The following ACOXL variants were observed in gnomAD, a reference collection of about 807,000 sequenced individuals.
The protein encoded by ACOXL is acyl-coenzyme A oxidase-like protein.
Under a neutral mutation model 71.9 loss-of-function variants are expected in ACOXL, and 70 were observed. The ratio of observed to expected loss-of-function variants is 0.97; its 90% CI spans 0.80 to 1.19. The LOEUF (loss-of-function observed/expected upper bound fraction) is 1.19. Among genes scored for constraint, ACOXL ranks in the 50% most tolerant of loss-of-function variants. The pLI, the probability that ACOXL is intolerant of heterozygous loss-of-function variation, is 0.00. For synonymous variants in ACOXL, 253 were observed against 281.6 expected (o/e 0.90, Z 1.02); for missense variants, 703 against 736.3 (o/e 0.95, Z 0.52).
rs906251304 is a variant in ACOXL, at chr2:110,841,234, T to G, written c.754-137T>G. 2.7e-5 allele frequency: 17 copies of G among 623,088 alleles called. No individual in the cohort carries two copies. In the African/African-American group the frequency reaches 3.1e-4, roughly 11 times the overall value. 38.6% of individuals were successfully genotyped at this position (623,088 alleles called of 1,614,324 possible). On this transcript the variant is annotated intron_variant, in intron 9 of 17. Transcript: ENST00000439055. ...ACTAAATATCTGTCATTAAAATGTG[T>G]TATTTTTGAAGCATTAGCTGTAGGG...
chr2:110,865,157 A>G (rs1694404535), intron 10 of ACOXL, among the ~76,000 whole-genome samples: 1 of 152,248 alleles, frequency 6.6e-6, no homozygotes, highest in Non-Finnish European at 1.5e-5. Context: ...AAATGTAGGT[A>G]TCAATATCGA....
intron 11 of ACOXL, among the ~76,000 whole-genome samples, chr2:110,913,277 A>G (rs968376227): frequency 6.6e-6 from 1 of 152,260 alleles, no homozygotes; most frequent in East Asian, 1.9e-4. Context: ...AAATGAAAAC[A>G]TATATGCACA....
At chr2:110,932,299 G>A (rs1232440036) in intron 11 of ACOXL, among the ~76,000 whole-genome samples, 2 of 152,188 alleles carry the variant, frequency 1.3e-5, no homozygotes, top group South Asian at 4.1e-4. Flanking sequence ...GAGGCATTTT[G>A]TTCTGTAGCT....
chr2:111,062,570 C>G (rs1418484020), intron 16 of ACOXL, among the ~76,000 whole-genome samples: 4 of 151,984 alleles, frequency 2.6e-5, no homozygotes, highest in African/African-American at 9.7e-5. Context: ...GAACATAAAG[C>G]AAACCTCAAA....
At chr2:110,977,635 G>A (rs1052414376) in intron 12 of ACOXL, among the ~76,000 whole-genome samples, 1 of 152,002 alleles carries the variant, frequency 6.6e-6, no homozygotes, top group African/African-American at 2.4e-5. Flanking sequence ...TAATTTTTTC[G>A]AAACCAGATG....
intron 14 of ACOXL, among the ~76,000 whole-genome samples, chr2:111,016,959 G>A (rs1291511976): frequency 2.6e-5 from 4 of 152,198 alleles, no homozygotes; most frequent in African/African-American, 9.7e-5. Context: ...GCAAGATAAT[G>A]GGACAAGACA....
chr2:110,982,362 C>A (rs1379900596), intron 12 of ACOXL, among the ~76,000 whole-genome samples: 2 of 152,066 alleles, frequency 1.3e-5, no homozygotes, highest in Non-Finnish European at 2.9e-5. Flanking sequence ...TCTCTTCTCT[C>A]CCCGCTCCTT....
intron 2 of ACOXL, among the ~76,000 whole-genome samples, chr2:110,779,025 T>C (rs953484731): frequency 1.1e-4 from 17 of 152,170 alleles, no homozygotes; most frequent in Non-Finnish European, 2.5e-4. Context: ...AACTAGGAAT[T>C]GTAGTAAGCA....
intron 14 of ACOXL, among the ~76,000 whole-genome samples, chr2:111,009,513 CA>C (rs35134750): frequency 0.11 from 12,945 of 114,820 alleles, 598 homozygotes; most frequent in East Asian, 0.28. Context: ...GACTCCGTCT[CA>C]AAAAAAAAAA....
chr2:110,776,090 A>G (rs1288376281), intron 2 of ACOXL, among the ~76,000 whole-genome samples: 1 of 152,250 alleles, frequency 6.6e-6, no homozygotes, highest in African/African-American at 2.4e-5. Flanking sequence ...ATTCAGCCTT[A>G]AAAGGGAAGG....
intron 14 of ACOXL, among the ~76,000 whole-genome samples, chr2:111,012,508 A>C (rs1329870373): frequency 6.6e-6 from 1 of 152,224 alleles, no homozygotes; most frequent in Non-Finnish European, 1.5e-5. Context: ...TGATATTTGT[A>C]GGCATTTATT....
intron 14 of ACOXL, among the ~76,000 whole-genome samples, chr2:111,006,501 C>T (rs1198520097): frequency 6.6e-6 from 1 of 152,080 alleles, no homozygotes; most frequent in Non-Finnish European, 1.5e-5. Flanking sequence ...TGGCACTTCC[C>T]TCTTTGTTGT....
At chr2:110,955,933 A>ATTTTT (rs67285328) in intron 12 of ACOXL, among the ~76,000 whole-genome samples, 14 of 101,762 alleles carry the variant, frequency 1.4e-4, no homozygotes, top group Admixed American at 2.3e-4. Context: ...CTTGCCACAG[A>ATTTTT]TTTTTTTTTT....
intron 17 of ACOXL, chr2:111,099,978 T>C (rs2069032893): frequency 6.6e-6 from 1 of 152,238 alleles, no homozygotes; most frequent in Non-Finnish European, 1.5e-5. Context: ...TCTTACTTTA[T>C]TTTACACCGT....
At chr2:110,881,293 C>T (rs1222166400) in intron 10 of ACOXL, among the ~76,000 whole-genome samples, 3 of 152,006 alleles carry the variant, frequency 2.0e-5, no homozygotes, top group Non-Finnish European at 4.4e-5. Flanking sequence ...AATTACTTCT[C>T]TCTTGAGGTT....
intron 17 of ACOXL, among the ~76,000 whole-genome samples, chr2:111,108,371 C>CTTTTTTTTTTTTTTTT (rs1225889982): frequency 9.9e-5 from 7 of 71,056 alleles, no homozygotes; most frequent in East Asian, 4.8e-4. Flanking sequence ...GTGCATGAAT[C>CTTTTTTTTTTTTTTTT]TTTTTTTTTT....
chr2:111,095,484 C>T (rs1373095082), intron 17 of ACOXL, among the ~76,000 whole-genome samples: 3 of 151,050 alleles, frequency 2.0e-5, no homozygotes, highest in Non-Finnish European at 4.4e-5. Flanking sequence ...CTCGGCCTCC[C>T]GGGCTCAAGT....
chr2:111,049,152 C>A, intron 15 of ACOXL, 66 bp from the exon 16 acceptor site: 2 of 1,262,574 alleles, frequency 1.6e-6, no homozygotes, highest in Non-Finnish European at 2.3e-6. Flanking sequence ...CAGTGTCCTC[C>A]TTCACATCAG....
chr2:111,006,704 A>G (rs1046576099), intron 14 of ACOXL, among the ~76,000 whole-genome samples: 3 of 152,048 alleles, frequency 2.0e-5, no homozygotes, highest in African/African-American at 4.8e-5. Flanking sequence ...GATTACAGGC[A>G]TGTGCCACCA....
Sources: gnomAD v4.1 joint callset for allele counts (sites outside exome capture counted in the v4.1 genomes callset) on GRCh38, gnomAD v4.1.1 for gene constraint, MANE v1.5 for transcripts, NCBI Gene and HGNC (gene_info 2026-07-23, HGNC 2026-07-21) for gene names.